The following FAM168A variants were observed in gnomAD, a reference collection of about 807,000 sequenced individuals.
FAM168A encodes the protein protein FAM168A.
In FAM168A, 3 loss-of-function variants were observed where a neutral mutation model predicts 28.5. That is an observed-to-expected ratio of 0.11 (90% CI 0.05 to 0.27). FAM168A has a LOEUF of 0.27. Ranked by LOEUF, FAM168A falls within the 10% of genes least tolerant of loss-of-function variation. The pLI, the probability that FAM168A is intolerant of heterozygous loss-of-function variation, is 1.00. For synonymous variants in FAM168A, 122 were observed against 124.2 expected, an observed-to-expected ratio of 0.98 and a Z score of 0.12; for missense variants, 222 against 311.5, an observed-to-expected ratio of 0.71 and a Z score of 2.16.
At chr11:73,481,117 C>T (rs1345363967) in intron 1 of FAM168A, among the ~76,000 whole-genome samples, 2 of 152,132 alleles carry the variant, frequency 1.3e-5, no homozygotes, top group Admixed American at 6.5e-5. Flanking sequence ...CAGAGTATCA[C>T]TATATTGCCC....
intron 1 of FAM168A, among the ~76,000 whole-genome samples, chr11:73,596,047 T>C (rs1332758543): frequency 2.0e-5 from 3 of 152,216 alleles, no homozygotes; most frequent in Non-Finnish European, 2.9e-5. Context: ...ATGGGCCTAA[T>C]TGCCTTGCAA....
intron 2 of FAM168A, among the ~76,000 whole-genome samples, chr11:73,446,933 C>T (rs1428761231): frequency 1.3e-5 from 2 of 152,182 alleles, no homozygotes; most frequent in African/African-American, 4.8e-5. Flanking sequence ...GATAAAGTTC[C>T]AAACTTCTTA....
At chr11:73,465,305 A>G (rs1025993420) in intron 2 of FAM168A, among the ~76,000 whole-genome samples, 2 of 150,798 alleles carry the variant, frequency 1.3e-5, no homozygotes, top group Non-Finnish European at 2.9e-5. Flanking sequence ...TTTAGAAAAG[A>G]AAAGATGAGA....
At chr11:73,456,766 T>C (rs961656505) in intron 2 of FAM168A, among the ~76,000 whole-genome samples, 2 of 152,238 alleles carry the variant, frequency 1.3e-5, no homozygotes, top group Non-Finnish European at 2.9e-5. Context: ...ATCAGAACAC[T>C]TGCAGTATGC....
intron 1 of FAM168A, among the ~76,000 whole-genome samples, chr11:73,509,912 T>C (rs1855185952): frequency 6.6e-6 from 1 of 152,142 alleles, no homozygotes; most frequent in Admixed American, 6.5e-5. Context: ...AAAAAGCCCA[T>C]AGTACAGAGA....
chr11:73,469,934 C>T (rs112909872), intron 1 of FAM168A, among the ~76,000 whole-genome samples: 12,572 of 151,976 alleles, frequency 0.083, 653 homozygotes, highest in Non-Finnish European at 0.11. Flanking sequence ...TTTTTTGAGA[C>T]GGAGTCTCAC....
chr11:73,588,342 T>G (rs1039737189), intron 1 of FAM168A, among the ~76,000 whole-genome samples: 1 of 152,152 alleles, frequency 6.6e-6, no homozygotes, highest in African/African-American at 2.4e-5. Context: ...ATTTGTCTGA[T>G]GAGATGAGTG....
intron 1 of FAM168A, among the ~76,000 whole-genome samples, chr11:73,497,945 C>T (rs1854925673): frequency 6.6e-6 from 1 of 152,044 alleles, no homozygotes; most frequent in South Asian, 2.1e-4. Context: ...ATTTTTTTCT[C>T]ACATATTATT....
intron 1 of FAM168A, among the ~76,000 whole-genome samples, chr11:73,536,068 A>G (rs1025278906): frequency 5.3e-5 from 8 of 151,932 alleles, no homozygotes; most frequent in Non-Finnish European, 1.2e-4. Flanking sequence ...GCTGGTCTCA[A>G]ATTCTCGTCT....
chr11:73,577,791 A>G (rs1448538060), intron 1 of FAM168A, among the ~76,000 whole-genome samples: 1 of 152,162 alleles, frequency 6.6e-6, no homozygotes, highest in Non-Finnish European at 1.5e-5. Flanking sequence ...GAATGCAAAA[A>G]CCTGCTGTGG....
At chr11:73,517,505 ATAT>A (rs1943319541) in intron 1 of FAM168A, among the ~76,000 whole-genome samples, 1 of 152,066 alleles carries the variant, frequency 6.6e-6, no homozygotes, top group African/African-American at 2.4e-5. Flanking sequence ...AAAAGATTCT[ATAT>A]TATTAACAGT....
Position 73,537,452 on chromosome 11 carries a change from T to G in FAM168A, c.-19+60471A>C, listed in dbSNP as rs578216368. Among the ~76,000 whole-genome samples the G allele has an allele frequency of 1.1e-4, 17 of 152,204 alleles. No individual in the cohort carries two copies. The South Asian group carries it at 3.5e-3, about 32-fold the overall frequency. On this transcript the variant is annotated intron_variant, in intron 1 of 7. Transcript: ENST00000356467. ...GGCATGCGCCTATAGTCCCAGCTAC[T>G]TGGGGGACTGAGGTAGGAGGATCGC...
intron 1 of FAM168A, among the ~76,000 whole-genome samples, chr11:73,528,883 T>A (rs948601718): frequency 2.0e-5 from 3 of 152,116 alleles, no homozygotes; most frequent in Non-Finnish European, 4.4e-5. Flanking sequence ...AATAATTAAG[T>A]GGTCTACCTA....
intron 3 of FAM168A, chr11:73,430,311 G>T (rs1478078654): frequency 3.8e-6 from 1 of 260,180 alleles, no homozygotes; most frequent in South Asian, 3.7e-5. Flanking sequence ...TGTCCCAAGG[G>T]GTGTGTGGGT....
At chr11:73,475,708 G>A (rs968324934) in intron 1 of FAM168A, among the ~76,000 whole-genome samples, 2 of 151,980 alleles carry the variant, frequency 1.3e-5, no homozygotes, top group Admixed American at 6.6e-5. Context: ...ACCACATTAA[G>A]AACAGTGAAA....
chr11:73,451,602 T>C (rs1375191867), intron 2 of FAM168A, among the ~76,000 whole-genome samples: 1 of 152,140 alleles, frequency 6.6e-6, no homozygotes, highest in Non-Finnish European at 1.5e-5. Context: ...ATTATAATAC[T>C]GCATTTTTAC....
intron 1 of FAM168A, among the ~76,000 whole-genome samples, chr11:73,574,385 CA>C (rs1160628412): frequency 1.3e-5 from 2 of 152,118 alleles, no homozygotes; most frequent in Non-Finnish European, 2.9e-5. Flanking sequence ...ATCACAAATC[CA>C]ATGCCCTTTC....
intron 2 of FAM168A, among the ~76,000 whole-genome samples, chr11:73,448,961 C>T (rs1867375725): frequency 6.6e-6 from 1 of 151,768 alleles, no homozygotes; most frequent in Non-Finnish European, 1.5e-5. Flanking sequence ...CTCTCTCTAA[C>T]TCTATCTCTA....
chr11:73,578,862 C>A (rs1239390952), intron 1 of FAM168A, among the ~76,000 whole-genome samples: 1 of 152,200 alleles, frequency 6.6e-6, no homozygotes, highest in Non-Finnish European at 1.5e-5. Flanking sequence ...TTCACCTTCT[C>A]ATTTATAAAA....
Sources: gnomAD v4.1 joint callset for allele counts (sites outside exome capture counted in the v4.1 genomes callset) on GRCh38, gnomAD v4.1.1 for gene constraint, MANE v1.5 for transcripts, NCBI Gene and HGNC (gene_info 2026-07-23, HGNC 2026-07-21) for gene names.